LRRIQ4: variants seen among roughly 807,000 people sequenced by gnomAD.
LRRIQ4 encodes the protein leucine-rich repeat and IQ domain-containing protein 4.
LRRIQ4 carries 21 observed loss-of-function variants against 40.1 expected under a neutral mutation model. The observed-to-expected ratio is 0.52, with a 90% CI of 0.37 to 0.75. The LOEUF (loss-of-function observed/expected upper bound fraction) is 0.75, where lower values mean the gene tolerates loss of function less well. Among genes scored for constraint, LRRIQ4 ranks in the 30% least tolerant of loss-of-function variants. The pLI is 0.00. For synonymous variants in LRRIQ4, 277 were observed against 277.1 expected, an observed-to-expected ratio of 1.00 and a Z score of 0.00; for missense variants, 655 against 660.0, an observed-to-expected ratio of 0.99 and a Z score of 0.08.
chr3:169,823,698 G>T (rs573124929), intron 2 of LRRIQ4, among the ~76,000 whole-genome samples: 1 of 152,150 alleles, frequency 6.6e-6, no homozygotes, highest in Non-Finnish European at 1.5e-5. Flanking sequence ...TCCGTTAACA[G>T]CAGATGTTTC....
chr3:169,834,042 G>A (rs1220003975), intron 5 of LRRIQ4, among the ~76,000 whole-genome samples: 4 of 152,144 alleles, frequency 2.6e-5, no homozygotes, highest in Non-Finnish European at 5.9e-5. Flanking sequence ...CAATTTAAAG[G>A]AGAAAGAAAA....
intron 1 of LRRIQ4, among the ~76,000 whole-genome samples, chr3:169,817,436 T>G: frequency 6.6e-6 from 1 of 152,242 alleles, no homozygotes; most frequent in East Asian, 1.9e-4. Flanking sequence ...TCTGTAAATA[T>G]CTAGGTACAT....
intron 5 of LRRIQ4, among the ~76,000 whole-genome samples, chr3:169,834,303 A>C (rs777722890): frequency 2.6e-5 from 4 of 152,260 alleles, no homozygotes; most frequent in African/African-American, 9.6e-5. Flanking sequence ...CGGGGGTTAC[A>C]GTGAGCCTAG....
At chr3:169,836,550 G>A (rs1004117991) in intron 5 of LRRIQ4, among the ~76,000 whole-genome samples, 2 of 151,994 alleles carry the variant, frequency 1.3e-5, no homozygotes, top group African/African-American at 2.4e-5. Flanking sequence ...TCCTTATAAG[G>A]CCACTAATCT....
intron 1 of LRRIQ4, among the ~76,000 whole-genome samples, chr3:169,819,410 G>A (rs921691446): frequency 4.3e-4 from 66 of 152,270 alleles, no homozygotes; most frequent in African/African-American, 1.6e-3. Flanking sequence ...AATGCTAAGA[G>A]AAATAAGTTA....
chr3:169,832,959 A>G (rs765577690), intron 4 of LRRIQ4, 28 bp from the exon 5 acceptor site: 2 of 1,590,888 alleles, frequency 1.3e-6, no homozygotes, highest in South Asian at 1.1e-5. Context: ...TCTAAGATTG[A>G]ACCACCATTA....
At chr3:169,829,011 T>C in intron 3 of LRRIQ4, 79 bp downstream of exon 3, 7 of 1,202,452 alleles carry the variant, frequency 5.8e-6, no homozygotes, top group African/African-American at 3.1e-5. Context: ...AAATATGAGG[T>C]CTCCACAGGC....
chr3:169,813,418 C>T (rs9846983), intron 1 of LRRIQ4, among the ~76,000 whole-genome samples: 2,383 of 152,214 alleles, frequency 0.016, 67 homozygotes, highest in African/African-American at 0.055. Context: ...CCAGATGTGA[C>T]GATCTGGTAA....
At chr3:169,831,566 T>C (rs1780178543) in intron 4 of LRRIQ4, among the ~76,000 whole-genome samples, 1 of 143,056 alleles carries the variant, frequency 7.0e-6, no homozygotes, top group Non-Finnish European at 1.5e-5. Flanking sequence ...CCTCCCAAAG[T>C]GCTGGAATTA....
At chr3:169,819,953 A>G (rs1400534071) in intron 1 of LRRIQ4, among the ~76,000 whole-genome samples, 2 of 152,210 alleles carry the variant, frequency 1.3e-5, no homozygotes, top group African/African-American at 4.8e-5. Flanking sequence ...CTAGTTTTAA[A>G]CAAAATCAGT....
In LRRIQ4 at chr3:169,821,917, C is replaced by G; in HGVS notation, c.-5C>G. On this transcript the variant is annotated 5_prime_UTR_variant, in exon 2 of 6. Coordinates refer to ENST00000340806, the MANE Select transcript of LRRIQ4 (RefSeq NM_001080460.3). The stretch of plus-strand genomic sequence containing the variant: ...TTTTGAATATTTGAGCTTTTCTTCA[C>G]AATAATGTCAAAAGACATAAAATCA... 7.0e-7 allele frequency: 1 copy of G among 1,425,862 alleles called. No homozygotes were observed. The highest frequency in any genetic ancestry group is 9.2e-7 in the Non-Finnish European group (1 of 1,085,682). 88.3% of individuals were successfully genotyped at this position (1,425,862 alleles called of 1,614,324 possible). A position where few individuals can be genotyped will look rare whatever the true frequency, so the allele number is the denominator to read the frequency against.
At chr3:169,825,008 CTTTT>C (rs10575036) in intron 2 of LRRIQ4, among the ~76,000 whole-genome samples, 10 of 133,992 alleles carry the variant, frequency 7.5e-5, no homozygotes, top group African/African-American at 2.0e-4. Flanking sequence ...TTTTAAAAAT[CTTTT>C]TTTTTTTTTT....
At chr3:169,821,414 C>T (rs1779885907) in intron 1 of LRRIQ4, among the ~76,000 whole-genome samples, 1 of 152,070 alleles carries the variant, frequency 6.6e-6, no homozygotes, top group African/African-American at 2.4e-5. Context: ...GCGGGTGGAC[C>T]TGAGGTCGGG....
chr3:169,829,303 A>G (rs1390725714), intron 3 of LRRIQ4, among the ~76,000 whole-genome samples: 1 of 152,200 alleles, frequency 6.6e-6, no homozygotes, highest in Non-Finnish European at 1.5e-5. Flanking sequence ...CTGGGAGCCT[A>G]CATTTTGGTG....
At chr3:169,828,128 T>C (rs1246341064) in intron 2 of LRRIQ4, among the ~76,000 whole-genome samples, 3 of 152,240 alleles carry the variant, frequency 2.0e-5, no homozygotes, top group Non-Finnish European at 2.9e-5. Context: ...ATAATGAATA[T>C]TATTATTGCA....
chr3:169,829,163 C>T (rs1188858896), intron 3 of LRRIQ4, among the ~76,000 whole-genome samples: 1 of 152,166 alleles, frequency 6.6e-6, no homozygotes, highest in African/African-American at 2.4e-5. Context: ...CTTCTTTCCA[C>T]TGTGTGATTT....
rs768852074 is a variant in LRRIQ4 at position 169,837,494 on chromosome 3, C to T, written c.1546C>T (p.Arg516Cys). 28 of 1,606,474 alleles carry T rather than the reference C, an allele frequency of 1.7e-5. No individual in the cohort carries two copies. Among genetic ancestry groups the T allele is most frequent in the Non-Finnish European group, 2.3e-5 (27 of 1,178,070 alleles). The change falls in exon 6 of 6, where the codon CGT becomes TGT. Residue 516 changes from arginine (R) to cysteine (C), a missense_variant. Arg to Cys is a radical substitution (Grantham distance 180). Coordinates refer to ENST00000340806, the MANE Select transcript of LRRIQ4 (RefSeq NM_001080460.3). ...TTGTTTTCAGATTCAGGCATGGTGG[C>T]GTGGAACAATGGTACAGAGAGGATT... is the stretch of plus-strand genomic sequence containing the variant. The part of the protein sequence containing the change: ...IMATKIQAWW[R>C]GTMVQRGFGK...
chr3:169,822,294 C>G lies in LRRIQ4; in HGVS notation c.373C>G (p.Leu125Val). Reference sequence around the variant, plus strand: ...CCTCCACGCCCTGCGCGAGCTCCGGCTCTACCAGACCGACCTGAAGGAAAT... The same window carrying G: ...CCTCCACGCCCTGCGCGAGCTCCGGGTCTACCAGACCGACCTGAAGGAAAT... Reference protein sequence around the residue: ...SFLHALRELRLYQTDLKEIPV... With the variant: ...SFLHALRELRVYQTDLKEIPV... The change falls in exon 2 of 6, where the codon CTC becomes GTC. Residue 125 changes from leucine to valine, a missense_variant. By Grantham distance (32) the Leu-to-Val change is conservative. Transcript: ENST00000340806. 6.2e-7 allele frequency: 1 copy of G among 1,613,824 alleles called. No individual in the cohort carries two copies. The highest frequency in any genetic ancestry group is 8.5e-7 in the Non-Finnish European group (1 of 1,179,806).
intron 4 of LRRIQ4, among the ~76,000 whole-genome samples, chr3:169,832,547 G>A (rs774444467): frequency 2.1e-5 from 3 of 145,918 alleles, no homozygotes; most frequent in East Asian, 2.1e-4. Flanking sequence ...CACTTGAATC[G>A]CTTCAACCTG....
Sources: gnomAD v4.1 joint callset for allele counts (sites outside exome capture counted in the v4.1 genomes callset) on GRCh38, gnomAD v4.1.1 for gene constraint, MANE v1.5 for transcripts, NCBI Gene and HGNC (gene_info 2026-07-23, HGNC 2026-07-21) for gene names.